RAB38: variants seen among roughly 807,000 people sequenced by gnomAD.
The protein encoded by RAB38 is RAB38, member RAS oncogene family, also known as ras-related protein Rab-38.
Under a neutral mutation model 18.4 loss-of-function variants are expected in RAB38, and 15 were observed. That is an observed-to-expected ratio of 0.82 (90% CI 0.55 to 1.26). The LOEUF is 1.26. Ranked by LOEUF, RAB38 falls within the 50% of genes most tolerant of loss-of-function variation. The pLI is 0.00. For synonymous variants in RAB38, 101 were observed against 104.4 expected, an observed-to-expected ratio of 0.97 and a Z score of 0.20; for missense variants, 294 against 267.4, an observed-to-expected ratio of 1.10 and a Z score of -0.69.
the RAB38 span, among the ~76,000 whole-genome samples, chr11:88,055,370 T>C: frequency 6.6e-6 from 1 of 152,202 alleles, no homozygotes; most frequent in Admixed American, 6.5e-5. Flanking sequence ...TAACCTTAAA[T>C]AGCAATATTC....
At chr11:87,851,855 G>T in the RAB38 span, among the ~76,000 whole-genome samples, 2 of 152,140 alleles carry the variant, frequency 1.3e-5, no homozygotes, top group South Asian at 4.1e-4. Context: ...CACTTTTAGG[G>T]TCTCTAGCTG....
At chr11:87,976,480 A>G in the RAB38 span, among the ~76,000 whole-genome samples, 1 of 118,894 alleles carries the variant, frequency 8.4e-6, no homozygotes, top group African/African-American at 3.2e-5. Context: ...ATATAGTTAT[A>G]TATTTTTATA....
chr11:88,172,710 G>T (rs943385248), intron 1 of RAB38, among the ~76,000 whole-genome samples: 3 of 152,214 alleles, frequency 2.0e-5, no homozygotes, highest in Admixed American at 1.3e-4. Context: ...TGGGTGGGCA[G>T]TTGAGGTTGT....
chr11:87,919,349 T>C, the RAB38 span, among the ~76,000 whole-genome samples: 1 of 151,936 alleles, frequency 6.6e-6, no homozygotes, highest in Non-Finnish European at 1.5e-5. Context: ...CTTTTCTTCA[T>C]CTGTTGAGAT....
chr11:87,936,805 T>C, the RAB38 span, among the ~76,000 whole-genome samples: 1 of 152,134 alleles, frequency 6.6e-6, no homozygotes, highest in African/African-American at 2.4e-5. Context: ...TATAATTGAT[T>C]GTTGTATGTT....
chr11:88,024,320 CA>C, the RAB38 span, among the ~76,000 whole-genome samples: 1 of 152,016 alleles, frequency 6.6e-6, no homozygotes, highest in Non-Finnish European at 1.5e-5. Flanking sequence ...AAATGGAAAT[CA>C]AAACTATAAT....
the RAB38 span, among the ~76,000 whole-genome samples, chr11:88,065,639 CG>C: frequency 1.3e-5 from 2 of 152,186 alleles, no homozygotes; most frequent in African/African-American, 4.8e-5. Context: ...CGTATGTCCT[CG>C]GACAAATCAA....
chr11:88,171,580 T>A (rs961201811), intron 1 of RAB38, among the ~76,000 whole-genome samples: 1 of 152,352 alleles, frequency 6.6e-6, no homozygotes, highest in East Asian at 1.9e-4. Flanking sequence ...ACAGATTCAA[T>A]GGTCAATTTT....
the RAB38 span, among the ~76,000 whole-genome samples, chr11:87,871,340 T>C: frequency 1.3e-5 from 2 of 151,582 alleles, no homozygotes; most frequent in Admixed American, 6.6e-5. Flanking sequence ...TCAACTAAGG[T>C]AAGAAGTGAG....
chr11:88,112,719 A>G (rs1038186971), downstream of RAB38, among the ~76,000 whole-genome samples: 1 of 152,108 alleles, frequency 6.6e-6, no homozygotes, highest in South Asian at 2.1e-4. Context: ...AGTTGCAGTG[A>G]GCTGAGATCG....
At chr11:87,934,721 A>G in the RAB38 span, among the ~76,000 whole-genome samples, 1 of 152,112 alleles carries the variant, frequency 6.6e-6, no homozygotes, top group Non-Finnish European at 1.5e-5. Context: ...TTATATGAGT[A>G]TAATATTAAA....
the RAB38 span, among the ~76,000 whole-genome samples, chr11:87,950,220 T>A: frequency 3.9e-5 from 6 of 152,228 alleles, no homozygotes; most frequent in African/African-American, 1.4e-4. Flanking sequence ...CCCTGCCTTT[T>A]TTTATTTTCC....
the RAB38 span, among the ~76,000 whole-genome samples, chr11:88,023,883 C>A: frequency 4.6e-5 from 7 of 152,114 alleles, no homozygotes; most frequent in Non-Finnish European, 8.8e-5. Flanking sequence ...TCACCTTATA[C>A]AAAAATCAAA....
At chr11:88,074,014 T>A in the RAB38 span, among the ~76,000 whole-genome samples, 1 of 145,932 alleles carries the variant, frequency 6.9e-6, no homozygotes, top group Non-Finnish European at 1.5e-5. Flanking sequence ...TTAAAAGAAA[T>A]GAAGATCGCC....
At chr11:88,057,151 TC>T in the RAB38 span, among the ~76,000 whole-genome samples, 1 of 152,210 alleles carries the variant, frequency 6.6e-6, no homozygotes, top group Non-Finnish European at 1.5e-5. Context: ...GGAGACGTTT[TC>T]TTCCCTGAGA....
At chr11:88,140,874 T>G (rs1942903689) in intron 2 of RAB38, among the ~76,000 whole-genome samples, 1 of 152,192 alleles carries the variant, frequency 6.6e-6, no homozygotes, top group Non-Finnish European at 1.5e-5. Context: ...ATGTAGGGTC[T>G]CCAAATTGGA....
the RAB38 span, among the ~76,000 whole-genome samples, chr11:88,091,702 G>A: frequency 7.0e-4 from 107 of 152,056 alleles, no homozygotes; most frequent in African/African-American, 2.5e-3. Flanking sequence ...AAATGTTGCA[G>A]GACAGGCAAG....
the RAB38 span, among the ~76,000 whole-genome samples, chr11:87,834,614 C>T: frequency 2.0e-5 from 3 of 152,022 alleles, no homozygotes; most frequent in East Asian, 1.9e-4. Flanking sequence ...GAATTTGGGG[C>T]GAAATTCAGT....
chr11:87,829,730 TA>T, the RAB38 span, among the ~76,000 whole-genome samples: 1 of 152,004 alleles, frequency 6.6e-6, no homozygotes, highest in African/African-American at 2.4e-5. Context: ...AAAAAACAAA[TA>T]AATTTAGGGA....
Sources: allele counts gnomAD v4.1 joint callset (sites outside exome capture counted in the v4.1 genomes callset), GRCh38; gene constraint gnomAD v4.1.1; transcripts MANE v1.5; gene names NCBI Gene and HGNC (gene_info 2026-07-23, HGNC 2026-07-21).